RSU1: variants seen among roughly 807,000 people sequenced by gnomAD.
RSU1 encodes Ras suppressor protein 1, also known as rsu-1.
RSU1 carries 26 observed loss-of-function variants against 31.1 expected under a neutral mutation model. The observed-to-expected ratio is 0.84, with a 90% CI of 0.61 to 1.16. RSU1 has a LOEUF of 1.16. RSU1 is among the 50% of genes most tolerant of loss of function. RSU1 has a pLI of 0.00. For missense variants in RSU1, 320 were observed against 339.1 expected, an observed-to-expected ratio of 0.94 and a Z score of 0.44; for synonymous variants, 164 against 136.3, an observed-to-expected ratio of 1.20 and a Z score of -1.41.
At chr10:16,778,220 G>A (rs931609519) in intron 3 of RSU1, among the ~76,000 whole-genome samples, 7 of 151,830 alleles carry the variant, frequency 4.6e-5, no homozygotes, top group African/African-American at 1.5e-4. Flanking sequence ...TGAAGGTCAT[G>A]TATCTTTAGA....
chr10:16,635,988 G>C (rs1281562044), intron 8 of RSU1, among the ~76,000 whole-genome samples: 1 of 152,126 alleles, frequency 6.6e-6, no homozygotes, highest in East Asian at 1.9e-4. Flanking sequence ...GCGCCCTCTC[G>C]GTTTTCTTCA....
chr10:16,599,445 C>G lies in RSU1; in HGVS notation c.732-5949G>C, dbSNP rs138905787. 4.7e-4 allele frequency among the ~76,000 whole-genome samples: 72 copies of G among 152,280 alleles called. 1 individual carries two copies. The East Asian group carries it at 8.7e-3, about 18-fold the overall frequency. ...CTGCTCATGTGGTACCTGTCTGGCC[C>G]TACAGGAGCCCACCACATCCTGCAC... On this transcript the variant is annotated intron_variant, in intron 8 of 8. Transcript: ENST00000345264.
Position 16,634,927 on chromosome 10 carries a change from A to G in RSU1, c.732-41431T>C, listed in dbSNP as rs116530479. ...TTTCATTTATTATAGCTCATTTTCT[A>G]TCTTCAGGGCTGAAACATTTGCCTG... is the stretch of plus-strand genomic sequence containing the variant. On this transcript the variant is annotated intron_variant, in intron 8 of 8. Transcript: ENST00000345264. Among the ~76,000 whole-genome samples, 558 of 152,350 alleles carry G rather than the reference A, an allele frequency of 3.7e-3. 2 individuals are homozygous for G. Among genetic ancestry groups the G allele is most frequent in the African/African-American group, 0.013 (526 of 41,590 alleles).
chr10:16,720,995 A>G (rs1369392625), intron 7 of RSU1, among the ~76,000 whole-genome samples: 1 of 152,180 alleles, frequency 6.6e-6, no homozygotes, highest in Non-Finnish European at 1.5e-5. Flanking sequence ...TCACATAAAT[A>G]AATAAATAAA....
intron 8 of RSU1, among the ~76,000 whole-genome samples, chr10:16,685,307 C>T (rs1182724962): frequency 3.3e-5 from 5 of 152,192 alleles, no homozygotes; most frequent in African/African-American, 9.6e-5. Context: ...GGAAAGGGGT[C>T]GCGATCCAGA....
At chr10:16,668,205 G>C (rs1835036879) in intron 8 of RSU1, among the ~76,000 whole-genome samples, 2 of 152,180 alleles carry the variant, frequency 1.3e-5, no homozygotes, top group Admixed American at 6.5e-5. Flanking sequence ...TGATTAATAA[G>C]TATTCAATGA....
At chr10:16,615,126 T>C (rs1833953572) in intron 8 of RSU1, among the ~76,000 whole-genome samples, 1 of 152,036 alleles carries the variant, frequency 6.6e-6, no homozygotes, top group Non-Finnish European at 1.5e-5. Flanking sequence ...GTGTGCTGTA[T>C]TCAGGAGACC....
intron 4 of RSU1, among the ~76,000 whole-genome samples, chr10:16,755,271 C>A (rs553352340): frequency 6.6e-6 from 1 of 152,072 alleles, no homozygotes; most frequent in African/African-American, 2.4e-5. Flanking sequence ...CACAGATGCA[C>A]GCCACCACGC....
At chr10:16,633,680 A>G (rs1176462939) in intron 8 of RSU1, among the ~76,000 whole-genome samples, 1 of 152,114 alleles carries the variant, frequency 6.6e-6, no homozygotes, top group Non-Finnish European at 1.5e-5. Flanking sequence ...AGGCCGTGAA[A>G]AGGACTCCAC....
chr10:16,686,556 A>G lies in RSU1; in HGVS notation c.731+8467T>C, dbSNP rs542719143. The stretch of plus-strand genomic sequence containing the variant: ...TATGGATGGAGTCTAGCTGATATTT[A>G]TTTTCCTTCTGTCAAGTGAGACAAA... On this transcript the variant is annotated intron_variant, in intron 8 of 8. Transcript: ENST00000345264. Among the ~76,000 whole-genome samples the G allele has an allele frequency of 4.6e-5, 7 of 152,226 alleles. No homozygotes were observed. The South Asian group carries it at 1.2e-3, about 27-fold the overall frequency.
intron 8 of RSU1, among the ~76,000 whole-genome samples, chr10:16,676,377 C>T (rs935577081): frequency 8.5e-5 from 13 of 152,118 alleles, no homozygotes; most frequent in African/African-American, 3.1e-4. Context: ...GGGGAACTGC[C>T]CTTTATAAAA....
intron 7 of RSU1, among the ~76,000 whole-genome samples, chr10:16,725,210 A>G (rs1158934706): frequency 6.6e-6 from 1 of 152,214 alleles, no homozygotes; most frequent in Non-Finnish European, 1.5e-5. Context: ...AGAGAGAGAG[A>G]ATATGAATAA....
At chr10:16,733,880 T>C (rs970888582) in intron 7 of RSU1, among the ~76,000 whole-genome samples, 2 of 152,202 alleles carry the variant, frequency 1.3e-5, no homozygotes, top group African/African-American at 4.8e-5. Context: ...CTTTTCTGCA[T>C]TCTCTTATAG....
chr10:16,801,577 C>G (rs1202322371), intron 2 of RSU1, among the ~76,000 whole-genome samples: 1 of 152,118 alleles, frequency 6.6e-6, no homozygotes, highest in Non-Finnish European at 1.5e-5. Context: ...CTCCATCTAA[C>G]AGAAAAATGC....
intron 2 of RSU1, among the ~76,000 whole-genome samples, chr10:16,804,051 G>C (rs1206465581): frequency 6.6e-6 from 1 of 151,986 alleles, no homozygotes; most frequent in Non-Finnish European, 1.5e-5. Flanking sequence ...GCGCCAACAA[G>C]GAGAAAGTAT....
In RSU1 at chr10:16,682,590, G is replaced by A. The variant is rs1588712551; in HGVS notation, c.731+12433C>T. ...CACACACATGCATGCATGTTACCTA[G>A]GGTGGACATGCGTTCCTCCTCTTAC... On this transcript the variant is annotated intron_variant, in intron 8 of 8. Coordinates refer to ENST00000345264, the MANE Select transcript of RSU1 (RefSeq NM_012425.4). Among the ~76,000 whole-genome samples, 6 of 130,834 alleles carry A rather than the reference G, an allele frequency of 4.6e-5. No homozygotes were observed. The South Asian group carries it at 1.5e-3, about 33-fold the overall frequency. 85.8% of individuals were successfully genotyped at this position (130,834 alleles called of 152,430 possible).
intron 2 of RSU1, among the ~76,000 whole-genome samples, chr10:16,815,864 G>A (rs370547978): frequency 6.6e-6 from 1 of 152,154 alleles, no homozygotes; most frequent in African/African-American, 2.4e-5. Context: ...CTGAGAAAGA[G>A]GGAAAACAGA....
chr10:16,682,332 C>G (rs890317940), intron 8 of RSU1, among the ~76,000 whole-genome samples: 1 of 152,102 alleles, frequency 6.6e-6, no homozygotes, highest in East Asian at 1.9e-4. Flanking sequence ...CTTATAGTTA[C>G]GGGAACAGAC....
At chr10:16,722,330 G>C (rs1836282444) in intron 7 of RSU1, among the ~76,000 whole-genome samples, 1 of 152,138 alleles carries the variant, frequency 6.6e-6, no homozygotes, top group Non-Finnish European at 1.5e-5. Flanking sequence ...TATTGTTTAA[G>C]AAAACAGATG....
Sources: allele counts gnomAD v4.1 joint callset (sites outside exome capture counted in the v4.1 genomes callset), GRCh38; gene constraint gnomAD v4.1.1; transcripts MANE v1.5; gene names NCBI Gene and HGNC (gene_info 2026-07-23, HGNC 2026-07-21).